Variants in BAZ2B observed in about 807,000 individuals in gnomAD.
BAZ2B encodes bromodomain adjacent to zinc finger domain protein 2B.
BAZ2B carries 91 observed loss-of-function variants against 246.0 expected under a neutral mutation model. The ratio of observed to expected loss-of-function variants is 0.37; its 90% confidence interval spans 0.31 to 0.44. BAZ2B has a LOEUF of 0.44. Ranked by LOEUF, BAZ2B falls within the 20% of genes least tolerant of loss-of-function variation. The probability of loss-of-function intolerance (pLI) is 1.00; values close to 1 mark genes in which losing one functional copy is unlikely to be tolerated. For synonymous variants in BAZ2B, 855 were observed against 860.0 expected, an observed-to-expected ratio of 0.99 and a Z score of 0.10; for missense variants, 2,332 against 2,533.7, an observed-to-expected ratio of 0.92 and a Z score of 1.71.
chr2:159,591,275 T>A (rs1689340342), intron 1 of BAZ2B, among the ~76,000 whole-genome samples: 1 of 152,214 alleles, frequency 6.6e-6, no homozygotes, highest in South Asian at 2.1e-4. Flanking sequence ...GAAAATTAAG[T>A]TCCAGACTCT....
intron 14 of BAZ2B, among the ~76,000 whole-genome samples, chr2:159,409,345 G>A (rs879302103): frequency 3.3e-5 from 5 of 152,206 alleles, no homozygotes; most frequent in East Asian, 3.9e-4. Context: ...AGTTTCAATC[G>A]CATATGAAAT....
At chr2:159,638,729 T>A in the BAZ2B span, among the ~76,000 whole-genome samples, 1 of 149,952 alleles carries the variant, frequency 6.7e-6, no homozygotes. Flanking sequence ...AAAATAAAAA[T>A]ACAATGAGGC....
chr2:159,631,449 C>A, the BAZ2B span, among the ~76,000 whole-genome samples: 1 of 152,246 alleles, frequency 6.6e-6, no homozygotes, highest in African/African-American at 2.4e-5. Context: ...CCATCTACCC[C>A]TAAAAAATTC....
At chr2:159,480,883 A>G (rs2079152848) in intron 2 of BAZ2B, among the ~76,000 whole-genome samples, 1 of 152,006 alleles carries the variant, frequency 6.6e-6, no homozygotes. Context: ...ATTTTATTTC[A>G]ACTATATTTA....
chr2:159,658,562 G>C, the BAZ2B span, among the ~76,000 whole-genome samples: 1 of 152,218 alleles, frequency 6.6e-6, no homozygotes, highest in South Asian at 2.1e-4. Flanking sequence ...CTGTTGCCCA[G>C]GATGGAGTGC....
At chr2:159,601,413 T>G (rs1485474824) in intron 1 of BAZ2B, among the ~76,000 whole-genome samples, 2 of 132,870 alleles carry the variant, frequency 1.5e-5, no homozygotes, top group Non-Finnish European at 3.2e-5. Context: ...GACAGAGTGA[T>G]ACCCTGTCTC....
At chr2:159,488,273 A>G (rs1030709732) in intron 2 of BAZ2B, among the ~76,000 whole-genome samples, 1 of 151,952 alleles carries the variant, frequency 6.6e-6, no homozygotes, top group South Asian at 2.1e-4. Flanking sequence ...GGATTTCACC[A>G]TGTTGCCCAG....
At chr2:159,446,730 C>A in intron 6 of BAZ2B, 52 bp downstream of exon 6, 1 of 1,426,820 alleles carries the variant, frequency 7.0e-7, no homozygotes, top group Non-Finnish European at 9.3e-7. Context: ...CTTCAGAATG[C>A]TCATCTTATA....
chr2:159,599,948 AAAAAAG>A (rs1165961766), intron 1 of BAZ2B, among the ~76,000 whole-genome samples: 6 of 151,598 alleles, frequency 4.0e-5, no homozygotes, highest in African/African-American at 1.5e-4. Flanking sequence ...AAAAAAAAAA[AAAAAAG>A]AAAAGAAAAA....
intron 2 of BAZ2B, among the ~76,000 whole-genome samples, chr2:159,506,809 C>A (rs1479146080): frequency 6.6e-6 from 1 of 152,114 alleles, no homozygotes; most frequent in Non-Finnish European, 1.5e-5. Flanking sequence ...GTACTGAGTT[C>A]TTTTCCACCC....
At chr2:159,700,168 T>G in the BAZ2B span, among the ~76,000 whole-genome samples, 1 of 152,180 alleles carries the variant, frequency 6.6e-6, no homozygotes, top group Non-Finnish European at 1.5e-5. Flanking sequence ...ATGGCAGACT[T>G]AGAATTTAAT....
chr2:159,650,183 A>C, the BAZ2B span, among the ~76,000 whole-genome samples: 1 of 147,848 alleles, frequency 6.8e-6, no homozygotes, highest in Non-Finnish European at 1.5e-5. Context: ...TTATCCATCA[A>C]TTTTACAATT....
chr2:159,583,262 C>T (rs1024482779), intron 1 of BAZ2B, among the ~76,000 whole-genome samples: 1 of 151,838 alleles, frequency 6.6e-6, no homozygotes, highest in African/African-American at 2.4e-5. Context: ...TTACAGGTGC[C>T]AGCCAGCACA....
At chr2:159,705,068 T>C in the BAZ2B span, among the ~76,000 whole-genome samples, 4 of 151,038 alleles carry the variant, frequency 2.6e-5, no homozygotes, top group Admixed American at 6.6e-5. Flanking sequence ...GATGCCAGGC[T>C]GGAGTGCAGT....
chr2:159,567,544 G>T (rs1682932727), intron 1 of BAZ2B, among the ~76,000 whole-genome samples: 1 of 152,106 alleles, frequency 6.6e-6, no homozygotes, highest in African/African-American at 2.4e-5. Flanking sequence ...TTCGTCAATG[G>T]CATATTGCTT....
chr2:159,395,717 A>G, intron 20 of BAZ2B, 52 bp downstream of exon 20: 6 of 1,435,020 alleles, frequency 4.2e-6, no homozygotes, highest in Non-Finnish European at 5.7e-6. Flanking sequence ...CCAATGCTTT[A>G]GGAAAAAGCA....
intron 36 of BAZ2B, among the ~76,000 whole-genome samples, chr2:159,323,801 C>CAA (rs70994291): frequency 0.017 from 2,106 of 127,452 alleles, 29 homozygotes; most frequent in African/African-American, 0.033. Flanking sequence ...GAAACTCTCT[C>CAA]AAAAAAAAAA....
rs372442188 is a variant in BAZ2B at position 159,337,464 on chromosome 2, G to A, written c.5660+103C>T. 4.4e-5 allele frequency: 70 copies of A among 1,604,268 alleles called. No homozygotes were observed. The Middle Eastern group carries it at 5.0e-4, about 11-fold the overall frequency. ...TCAAGTTAATCTCAATAACCTACCC[G>A]TCACCATCACCACTAACGGATGGTG... On this transcript the variant is annotated intron_variant, in intron 32 of 36. Transcript: ENST00000392783.
chr2:159,353,196 CCTT>C (rs1575952006), intron 27 of BAZ2B, among the ~76,000 whole-genome samples: 1 of 152,246 alleles, frequency 6.6e-6, no homozygotes, highest in East Asian at 1.9e-4. Context: ...GCCCTCATAT[CCTT>C]CTCTTCAAAT....
Sources: gnomAD v4.1 joint callset for allele counts (sites outside exome capture counted in the v4.1 genomes callset) on GRCh38, gnomAD v4.1.1 for gene constraint, MANE v1.5 for transcripts, NCBI Gene and HGNC (gene_info 2026-07-23, HGNC 2026-07-21) for gene names.